Variants in NT5DC3 observed in about 807,000 individuals in gnomAD.
NT5DC3 encodes 5'-nucleotidase domain-containing protein 3.
In NT5DC3, 42 loss-of-function variants were observed where a neutral mutation model predicts 67.8. That is an observed-to-expected ratio of 0.62 (90% confidence interval 0.48 to 0.80). The LOEUF (loss-of-function observed/expected upper bound fraction) is 0.80. NT5DC3 is among the 30% of genes least tolerant of loss of function. The pLI is 0.00. For missense variants in NT5DC3, 570 were observed against 696.4 expected (o/e 0.82, Z 2.04); for synonymous variants, 237 against 255.6 (o/e 0.93, Z 0.69).
chr12:103,816,353 T>C (rs972422213), intron 1 of NT5DC3, among the ~76,000 whole-genome samples: 1 of 152,248 alleles, frequency 6.6e-6, no homozygotes, highest in Admixed American at 6.5e-5. Context: ...TTGTGGATTT[T>C]AGATTTTCAG....
At chr12:103,750,393 G>A in the NT5DC3 span, among the ~76,000 whole-genome samples, 7 of 152,344 alleles carry the variant, frequency 4.6e-5, no homozygotes, top group African/African-American at 1.7e-4. Flanking sequence ...GAGATGTAAA[G>A]GATGAGGTTT....
At chr12:103,764,277 C>G in the NT5DC3 span, among the ~76,000 whole-genome samples, 1 of 152,228 alleles carries the variant, frequency 6.6e-6, no homozygotes, top group Non-Finnish European at 1.5e-5. Context: ...AACTTACTTA[C>G]ACTGACATTG....
chr12:103,840,401 ATC>A (rs1491455772), intron 1 of NT5DC3, among the ~76,000 whole-genome samples: 2 of 145,802 alleles, frequency 1.4e-5, no homozygotes, highest in African/African-American at 2.6e-5. Context: ...ATCTCATCTC[ATC>A]TCATCTCATC....
At chr12:103,829,670 T>C (rs1316346298) in intron 1 of NT5DC3, among the ~76,000 whole-genome samples, 4 of 152,196 alleles carry the variant, frequency 2.6e-5, no homozygotes, top group African/African-American at 9.6e-5. Context: ...TTCTTGCTTT[T>C]TCTGTGTCTT....
chr12:103,783,303 G>T (rs4964827), intron 12 of NT5DC3, among the ~76,000 whole-genome samples: 35,898 of 152,140 alleles, frequency 0.24, 4,820 homozygotes, highest in South Asian at 0.46. Context: ...CAAAGTGCCA[G>T]AACCCAAGGC....
intron 9 of NT5DC3, among the ~76,000 whole-genome samples, chr12:103,790,200 G>A (rs1257650777): frequency 6.6e-6 from 1 of 152,102 alleles, no homozygotes; most frequent in Non-Finnish European, 1.5e-5. Context: ...GACCTCCTGG[G>A]TTCAGGTGAC....
At chr12:103,784,733 A>G (rs1007880322) in intron 12 of NT5DC3, among the ~76,000 whole-genome samples, 3 of 152,192 alleles carry the variant, frequency 2.0e-5, no homozygotes, top group South Asian at 2.1e-4. Context: ...GGCAGCTTCC[A>G]TGGGCCAGGA....
At chr12:103,823,930 C>T (rs760159959) in intron 1 of NT5DC3, among the ~76,000 whole-genome samples, 2 of 152,238 alleles carry the variant, frequency 1.3e-5, no homozygotes, top group Non-Finnish European at 2.9e-5. Context: ...CTCCTAGTAA[C>T]TTTCACCAAG....
intron 9 of NT5DC3, among the ~76,000 whole-genome samples, chr12:103,789,705 A>C (rs1328177177): frequency 6.6e-6 from 1 of 152,218 alleles, no homozygotes; most frequent in Non-Finnish European, 1.5e-5. Flanking sequence ...GACCAGAAGC[A>C]CTAGTTTATG....
the NT5DC3 span, among the ~76,000 whole-genome samples, chr12:103,747,499 T>G: frequency 6.6e-6 from 1 of 152,160 alleles, no homozygotes; most frequent in East Asian, 1.9e-4. Flanking sequence ...AAGCCCAGCC[T>G]GGACAGCAAG....
intron 9 of NT5DC3, among the ~76,000 whole-genome samples, chr12:103,792,566 A>G (rs1356763529): frequency 6.6e-6 from 1 of 152,208 alleles, no homozygotes; most frequent in Non-Finnish European, 1.5e-5. Context: ...CCCACAAGTT[A>G]AAAGATATTT....
chr12:103,758,438 C>G, the NT5DC3 span: 2 of 1,346,042 alleles, frequency 1.5e-6, no homozygotes, highest in South Asian at 1.4e-5. Context: ...CTCCCTTGGT[C>G]TTGGCACACT....
intron 1 of NT5DC3, among the ~76,000 whole-genome samples, chr12:103,830,158 C>T (rs556374195): frequency 3.3e-5 from 5 of 152,300 alleles, no homozygotes; most frequent in South Asian, 4.1e-4. Flanking sequence ...TCCTCGGAGA[C>T]AGGTATTATT....
chr12:103,765,453 C>G (rs1310259009), downstream of NT5DC3, among the ~76,000 whole-genome samples: 1 of 152,212 alleles, frequency 6.6e-6, no homozygotes, highest in Non-Finnish European at 1.5e-5. Flanking sequence ...GACACATTTA[C>G]CACCACTAGT....
chr12:103,822,034 A>G (rs1887510544), intron 1 of NT5DC3: 1 of 152,272 alleles, frequency 6.6e-6, no homozygotes, highest in Admixed American at 6.5e-5. Flanking sequence ...CTATAAAACA[A>G]AACACCATGT....
intron 7 of NT5DC3, 44 bp downstream of exon 7, chr12:103,793,893 A>G (rs1886179512): frequency 2.0e-6 from 3 of 1,523,344 alleles, no homozygotes; most frequent in Admixed American, 1.7e-5. Context: ...TGCAAAAGAA[A>G]CAGAAAGGCT....
At chr12:103,751,794 A>G in the NT5DC3 span, among the ~76,000 whole-genome samples, 3 of 152,174 alleles carry the variant, frequency 2.0e-5, no homozygotes, top group Non-Finnish European at 4.4e-5. Flanking sequence ...AGCTTCTCCC[A>G]TGGGCTTTTC....
chr12:103,762,464 T>C, the NT5DC3 span: 5 of 1,609,882 alleles, frequency 3.1e-6, no homozygotes, highest in Non-Finnish European at 4.2e-6. Context: ...TCCCTGGACC[T>C]GGGCTGCTTC....
rs1011382604 is a variant in NT5DC3 at position 103,777,679 on chromosome 12, A to G, written c.*150T>C. ...TGGGCTGCTAGCTCCTGTCTTAACC[A>G]TTGGGAGAATTATTCTCCGTAAGGT... On this transcript the variant is annotated 3_prime_UTR_variant, in exon 14 of 14. Transcript: ENST00000392876. 2 of 925,448 alleles carry G rather than the reference A, an allele frequency of 2.2e-6. No individual in the cohort carries two copies. The highest frequency in any genetic ancestry group is 3.2e-6 in the Non-Finnish European group (2 of 621,124). 57.3% of individuals were successfully genotyped at this position (925,448 alleles called of 1,614,324 possible).
Sources: gnomAD v4.1 joint callset for allele counts (sites outside exome capture counted in the v4.1 genomes callset) on GRCh38, gnomAD v4.1.1 for gene constraint, MANE v1.5 for transcripts, NCBI Gene and HGNC (gene_info 2026-07-23, HGNC 2026-07-21) for gene names.